RHBDF2: variants seen among roughly 807,000 people sequenced by gnomAD.
The protein encoded by RHBDF2 is inactive rhomboid protein 2.
Under a neutral mutation model 95.2 loss-of-function variants are expected in RHBDF2, and 38 were observed. The ratio of observed to expected loss-of-function variants is 0.40; its 90% CI spans 0.31 to 0.52. The LOEUF is 0.52. RHBDF2 is among the 20% of genes least tolerant of loss of function. RHBDF2 has a pLI of 0.56. For synonymous variants in RHBDF2, 442 were observed against 462.0 expected (o/e 0.96, Z 0.55); for missense variants, 863 against 1,137.7 (o/e 0.76, Z 3.47).
At chr17:76,477,889 G>C in intron 6 of RHBDF2, 104 bp from the exon 7 acceptor site, 3 of 1,500,888 alleles carry the variant, frequency 2.0e-6, no homozygotes, top group Non-Finnish European at 2.7e-6. Context: ...TGCAGGCAGC[G>C]CCTTGGGAGG....
At chr17:76,491,545 G>A (rs541117267) in intron 1 of RHBDF2, among the ~76,000 whole-genome samples, 8 of 152,336 alleles carry the variant, frequency 5.3e-5, no homozygotes, top group Middle Eastern at 3.4e-3. Context: ...CATCTGAACC[G>A]CAGAGCACAA....
intron 1 of RHBDF2, among the ~76,000 whole-genome samples, chr17:76,496,356 T>C (rs952312373): frequency 6.6e-6 from 1 of 152,188 alleles, no homozygotes; most frequent in Non-Finnish European, 1.5e-5. Context: ...AAGTCACCTG[T>C]CCAAGGTCCC....
intron 4 of RHBDF2, 74 bp downstream of exon 4, chr17:76,479,659 C>G (rs2073887781): frequency 1.7e-6 from 2 of 1,179,666 alleles, no homozygotes; most frequent in Admixed American, 1.9e-5. Flanking sequence ...GGACCAGGCC[C>G]AATCATGTCC....
In RHBDF2 at chr17:76,481,472, C is replaced by G; in HGVS notation, c.53G>C (p.Arg18Pro). 1 of 1,611,884 alleles carries G rather than the reference C, an allele frequency of 6.2e-7. No individual in the cohort carries two copies. The highest frequency in any genetic ancestry group is 8.5e-7 in the Non-Finnish European group (1 of 1,179,932). ...GTTGGGTGGCTTCCGGCTCTGCAGG[C>G]GGCTGCTGGACACAGAGGACACGCT... is the stretch of plus-strand genomic sequence containing the variant. The part of the protein sequence containing the change: ...GGSVSSVSSS[R>P]LQSRKPPNLS... The change falls in exon 3 of 19, where the codon CGC becomes CCC. Residue 18 changes from arginine to proline, a missense_variant. Arg to Pro is a moderately radical substitution (Grantham distance 103). Transcript: ENST00000675367.
intron 2 of RHBDF2, among the ~76,000 whole-genome samples, chr17:76,484,259 G>T (rs997701476): frequency 6.6e-6 from 1 of 151,698 alleles, no homozygotes; most frequent in African/African-American, 2.4e-5. Flanking sequence ...GCGAAACTTC[G>T]TCTCAAAAAT....
chr17:76,480,006 A>ACTGTGT, intron 3 of RHBDF2, 152 bp from the exon 4 acceptor site: 1 of 598,218 alleles, frequency 1.7e-6, no homozygotes, highest in Non-Finnish European at 2.5e-6. Context: ...ATATATATAT[A>ACTGTGT]ATGTGTGTGT....
intron 6 of RHBDF2, 69 bp downstream of exon 6, chr17:76,478,737 G>C: frequency 7.7e-7 from 1 of 1,305,944 alleles, no homozygotes; most frequent in South Asian, 1.3e-5. Context: ...CTACTATGAG[G>C]AGTGGAAGGG....
intron 2 of RHBDF2, chr17:76,487,450 C>G (rs2074169612): frequency 6.6e-6 from 1 of 151,992 alleles, no homozygotes; most frequent in Admixed American, 6.6e-5. Context: ...GGGGTTTTGC[C>G]ATGTTGGCCA....
chr17:76,474,166 G>A, intron 12 of RHBDF2, 24 bp from the exon 13 acceptor site: 1 of 1,508,762 alleles, frequency 6.6e-7, no homozygotes, highest in Non-Finnish European at 9.0e-7. Context: ...GAAGGCTGGT[G>A]GGTCATGTCG....
rs956571906 is a variant in RHBDF2, at chr17:76,481,409, T to G, written c.116A>C (p.Gln39Pro). 6.2e-7 allele frequency: 1 copy of G among 1,612,510 alleles called. No homozygotes were observed. The highest frequency in any genetic ancestry group is 1.3e-5 in the African/African-American group (1 of 74,882). ...ITIPPPEKET[Q>P]APGEQDSMLP... Reference sequence around the variant, plus strand: ...CATGCTGTCCTGCTCGCCAGGGGCCTGGGTCTCTTTCTCGGGTGGCGGGAT... The same window carrying G: ...CATGCTGTCCTGCTCGCCAGGGGCCGGGGTCTCTTTCTCGGGTGGCGGGAT... The change falls in exon 3 of 19, where the codon CAG becomes CCG. Residue 39 changes from glutamine to proline, a missense_variant. Physicochemically the swap from Gln to Pro is moderately conservative, Grantham distance 76. Coordinates refer to ENST00000675367, the MANE Select transcript of RHBDF2 (RefSeq NM_001005498.4).
intron 2 of RHBDF2, among the ~76,000 whole-genome samples, chr17:76,485,988 T>C (rs1218857371): frequency 1.3e-5 from 2 of 151,542 alleles, no homozygotes; most frequent in East Asian, 3.9e-4. Flanking sequence ...GGGTGACAGC[T>C]AAAGGGTGCA....
intron 2 of RHBDF2, among the ~76,000 whole-genome samples, chr17:76,484,951 C>A (rs1044099007): frequency 6.6e-6 from 1 of 152,164 alleles, no homozygotes; most frequent in Admixed American, 6.5e-5. Context: ...CGGTTCCTCC[C>A]CAGAGAAGCG....
chr17:76,486,688 TG>T (rs1402041785), intron 2 of RHBDF2, among the ~76,000 whole-genome samples: 1 of 128,080 alleles, frequency 7.8e-6, no homozygotes, highest in Admixed American at 7.5e-5. Context: ...TACTCCAGCC[TG>T]GGTAACAGAG....
Position 76,476,957 on chromosome 17 carries a change from G to A in RHBDF2, c.988C>T (p.His330Tyr). The A allele has an allele frequency of 6.2e-7, 1 of 1,613,990 alleles. No homozygotes were observed. Among genetic ancestry groups the A allele is most frequent in the Non-Finnish European group, 8.5e-7 (1 of 1,180,050 alleles). Residue 330 changes from histidine (H) to tyrosine (Y), a missense_variant, in exon 9 of 19, where the codon CAC becomes TAC. Physicochemically the swap from His to Tyr is moderately conservative, Grantham distance 83 (BLOSUM62 2). Transcript: ENST00000675367. ...RGKRIASKVKHFAFDRKKRHY... is the reference protein window; with the variant it reads ...RGKRIASKVKYFAFDRKKRHY... ...CGCTTCTTCCGATCAAAGGCAAAGT[G>A]CTTCACCTTGGAGGCGATGCGCTTG...
rs750748859 is a variant in RHBDF2, at chr17:76,473,630, A to G, written c.1733+18T>C. On this transcript the variant is annotated intron_variant, in intron 15 of 18. Transcript: ENST00000675367. ...GGGGGGCAGTGGGATGGCTGAGGCC[A>G]GGGCCCAGGTCGCTCACCTGCCCTT... 14 of 1,585,512 alleles carry G rather than the reference A, an allele frequency of 8.8e-6. No homozygotes were observed. In the Admixed American group the frequency reaches 2.5e-4, roughly 28 times the overall value.
chr17:76,474,721 G>A lies in RHBDF2; in HGVS notation c.1302+9C>T. The A allele has an allele frequency of 6.2e-7, 1 of 1,614,166 alleles. No homozygotes were observed. Among genetic ancestry groups the A allele is most frequent in the Non-Finnish European group, 8.5e-7 (1 of 1,180,014 alleles). The stretch of plus-strand genomic sequence containing the variant: ...GGCTCAGATGATGTCCCCCAGCCTG[G>A]GCCCTCACCGAGCTGGGGCCAACCC... On this transcript the variant is annotated intron_variant, in intron 11 of 18. Coordinates refer to ENST00000675367, the MANE Select transcript of RHBDF2 (RefSeq NM_001005498.4).
At position 76,474,018 on chromosome 17, in the gene RHBDF2, G is replaced by A. The variant is rs1242874421; in HGVS notation, c.1574+15C>T. ...ATGCCTGACCCTGAGGCCCAGCAGA[G>A]GCTCCAGGCCCTACCTGGGGTCCTG... On this transcript the variant is annotated intron_variant, in intron 13 of 18. Transcript: ENST00000675367. 3 of 1,610,032 alleles carry A rather than the reference G, an allele frequency of 1.9e-6. No individual in the cohort carries two copies. The highest frequency in any genetic ancestry group is 1.7e-5 in the Admixed American group (1 of 60,024).
chr17:76,472,576 C>T lies in RHBDF2; in HGVS notation c.2064+110G>A, dbSNP rs1411163809. 10 of 1,399,604 alleles carry T rather than the reference C, an allele frequency of 7.1e-6. No individual in the cohort carries two copies. In the African/African-American group the frequency reaches 1.1e-4, roughly 16 times the overall value. The allele number at this position is 1,399,604 out of a possible 1,614,324, so 86.7% of individuals were successfully genotyped here. A position where few individuals can be genotyped will look rare whatever the true frequency, so the allele number is the denominator to read the frequency against. Reference sequence around the variant, plus strand: ...ATTAGCTGTCCCTCCGCTGTGGAGCCCAGTACAGGAGGGGCACCGTGTCCC... The same window carrying T: ...ATTAGCTGTCCCTCCGCTGTGGAGCTCAGTACAGGAGGGGCACCGTGTCCC... On this transcript the variant is annotated intron_variant, in intron 18 of 18. Transcript: ENST00000675367.
chr17:76,497,489 C>T (rs1395046429), intron 1 of RHBDF2, among the ~76,000 whole-genome samples: 1 of 152,234 alleles, frequency 6.6e-6, no homozygotes, highest in Non-Finnish European at 1.5e-5. Flanking sequence ...GCCACTGCTC[C>T]ATATGCGTGT....
Sources: gnomAD v4.1 joint callset for allele counts (sites outside exome capture counted in the v4.1 genomes callset) on GRCh38, gnomAD v4.1.1 for gene constraint, MANE v1.5 for transcripts, NCBI Gene and HGNC (gene_info 2026-07-23, HGNC 2026-07-21) for gene names.